The following AKR1E2 variants were observed in gnomAD, a reference collection of about 807,000 sequenced individuals.
AKR1E2 encodes the protein 1,5-anhydro-D-fructose reductase.
Under a neutral mutation model 41.9 loss-of-function variants are expected in AKR1E2, and 43 were observed. The observed-to-expected ratio is 1.03, with a 90% CI of 0.80 to 1.32. AKR1E2 has a LOEUF of 1.32. Among genes scored for constraint, AKR1E2 ranks in the 40% most tolerant of loss-of-function variants. The pLI, the probability that AKR1E2 is intolerant of heterozygous loss-of-function variation, is 0.00. For missense variants in AKR1E2, 423 were observed against 396.5 expected (o/e 1.07, Z -0.57); for synonymous variants, 121 against 138.9 (o/e 0.87, Z 0.91).
chr10:4,833,093 A>G (rs1287404186), intron 2 of AKR1E2, among the ~76,000 whole-genome samples: 2 of 152,204 alleles, frequency 1.3e-5, no homozygotes, highest in South Asian at 2.1e-4. Context: ...ACCATCAAAT[A>G]TCTCTTGGAT....
chr10:4,854,085 G>GTTT, the AKR1E2 span, among the ~76,000 whole-genome samples: 1 of 129,304 alleles, frequency 7.7e-6, no homozygotes, highest in African/African-American at 3.0e-5. Flanking sequence ...CTCCTTTACT[G>GTTT]TTTTTTTTTT....
At chr10:4,832,381 G>A (rs191581711) in intron 2 of AKR1E2, among the ~76,000 whole-genome samples, 120 of 152,334 alleles carry the variant, frequency 7.9e-4, no homozygotes, top group Non-Finnish European at 1.4e-3. Context: ...CTAGAGCAGA[G>A]GGTGGTAAGA....
the AKR1E2 span, among the ~76,000 whole-genome samples, chr10:4,864,149 A>G: frequency 5.9e-5 from 9 of 152,262 alleles, no homozygotes; most frequent in African/African-American, 2.2e-4. Flanking sequence ...CCTGGCAGAG[A>G]CACAACAAAA....
rs1231879895 is a variant in AKR1E2, at chr10:4,841,843, A to G, written c.739A>G (p.Lys247Glu). 1.1e-5 allele frequency: 18 copies of G among 1,613,472 alleles called. No homozygotes were observed. Among genetic ancestry groups the G allele is most frequent in the Non-Finnish European group, 1.5e-5 (18 of 1,179,812 alleles). The change falls in exon 7 of 10, where the codon AAG (lysine) becomes GAG (glutamate). Residue 247 changes from lysine to glutamate, a missense_variant. By Grantham distance (56) the Lys-to-Glu change is moderately conservative. Coordinates refer to ENST00000298375, the MANE Select transcript of AKR1E2 (RefSeq NM_001040177.3). ...VIKRIAKEHGKSPAQILIRFQ... is the reference protein window; with the variant it reads ...VIKRIAKEHGESPAQILIRFQ... Reference sequence around the variant, plus strand: ...CAAGAGGATTGCAAAGGAGCACGGCAAGTCTCCTGCTCAGGTAGGGAGGGA... The same window carrying G: ...CAAGAGGATTGCAAAGGAGCACGGCGAGTCTCCTGCTCAGGTAGGGAGGGA...
At position 4,847,628 on chromosome 10, in the gene AKR1E2, C is replaced by A; in HGVS notation, c.*98C>A. On this transcript the variant is annotated 3_prime_UTR_variant, in exon 10 of 10. Transcript: ENST00000298375. ...TCATCACAGCGCCAGGGCAGCTGTG[C>A]CTGGGACAGGAGCCACACAGTCAGA... 2 of 1,393,134 alleles carry A rather than the reference C, an allele frequency of 1.4e-6. No homozygotes were observed. Among genetic ancestry groups the A allele is most frequent in the Non-Finnish European group, 2.0e-6 (2 of 994,880 alleles). The allele number at this position is 1,393,134 out of a possible 1,614,324, so 86.3% of individuals were successfully genotyped here.
At chr10:4,866,299 C>T in the AKR1E2 span, among the ~76,000 whole-genome samples, 3 of 152,290 alleles carry the variant, frequency 2.0e-5, no homozygotes, top group Non-Finnish European at 2.9e-5. Flanking sequence ...AAAGAGAGGA[C>T]GCGTAGCACT....
At position 4,847,614 on chromosome 10, in the gene AKR1E2, C is replaced by T. The variant is rs12569410; in HGVS notation, c.*84C>T. 62,440 of 1,496,524 alleles carry T rather than the reference C, an allele frequency of 0.042. 1,658 individuals are homozygous for T. Among genetic ancestry groups the T allele is most frequent in the East Asian group, 0.12 (5,448 of 44,292 alleles). 92.7% of individuals were successfully genotyped at this position (1,496,524 alleles called of 1,614,324 possible). A position where few individuals can be genotyped will look rare whatever the true frequency, so the allele number is the denominator to read the frequency against. On this transcript the variant is annotated 3_prime_UTR_variant, in exon 10 of 10. Coordinates refer to ENST00000298375, the MANE Select transcript of AKR1E2 (RefSeq NM_001040177.3). ...TTGACCCTCCTCTGTCATCACAGCG[C>T]CAGGGCAGCTGTGCCTGGGACAGGA...
At chr10:4,839,921 G>A in intron 6 of AKR1E2, 95 bp downstream of exon 6, 1 of 1,205,336 alleles carries the variant, frequency 8.3e-7, no homozygotes, top group Non-Finnish European at 1.2e-6. Flanking sequence ...GGGCTTAATG[G>A]AGGTTTTGAC....
At chr10:4,851,635 A>T (rs1045913527), downstream of AKR1E2, among the ~76,000 whole-genome samples, 1 of 152,244 alleles carries the variant, frequency 6.6e-6, no homozygotes, top group East Asian at 1.9e-4. Flanking sequence ...GTACTATTCT[A>T]TAAGTATGTT....
At chr10:4,866,548 A>G in the AKR1E2 span, among the ~76,000 whole-genome samples, 1 of 152,122 alleles carries the variant, frequency 6.6e-6, no homozygotes, top group Admixed American at 6.5e-5. Flanking sequence ...AGAATGAGTA[A>G]TTCACGCAGA....
intron 1 of AKR1E2, 104 bp from the exon 2 acceptor site, chr10:4,830,571 T>C: frequency 7.4e-7 from 1 of 1,345,418 alleles, no homozygotes; most frequent in Non-Finnish European, 1.0e-6. Context: ...AATTAGTGAC[T>C]TAATTTTTTA....
At chr10:4,829,396 C>G (rs1832790304) in intron 1 of AKR1E2, among the ~76,000 whole-genome samples, 1 of 152,086 alleles carries the variant, frequency 6.6e-6, no homozygotes, top group Non-Finnish European at 1.5e-5. Context: ...TTTTATTTTA[C>G]TTATGAATTT....
At chr10:4,865,305 AATT>A in the AKR1E2 span, among the ~76,000 whole-genome samples, 1 of 152,220 alleles carries the variant, frequency 6.6e-6, no homozygotes, top group Admixed American at 6.5e-5. Context: ...AGTAACTAAC[AATT>A]ATTGATTATA....
the AKR1E2 span, among the ~76,000 whole-genome samples, chr10:4,869,424 G>A: frequency 0.2 from 29,679 of 151,838 alleles, 3,059 homozygotes; most frequent in Middle Eastern, 0.33. Context: ...CTTTTTTTAT[G>A]TCAGTCTTGC....
chr10:4,845,521 T>C (rs1834268867), intron 8 of AKR1E2, among the ~76,000 whole-genome samples: 1 of 147,034 alleles, frequency 6.8e-6, no homozygotes, highest in Admixed American at 6.7e-5. Flanking sequence ...AATGGGGGCC[T>C]GGCCTAAGGT....
chr10:4,826,286 G>A lies in AKR1E2; in HGVS notation c.-39G>A. 1.6e-6 allele frequency: 2 copies of A among 1,228,408 alleles called. No homozygotes were observed. The highest frequency in any genetic ancestry group is 4.1e-5 in the South Asian group (1 of 24,298). The allele number at this position is 1,228,408 out of a possible 1,614,324, so 76.1% of individuals were successfully genotyped here. ...TCGCGCGGTGCCTGTCGGTAGTCGC[G>A]TGCGGGGCGGCGGGGCGGCGGGGCG... On this transcript the variant is annotated 5_prime_UTR_variant, in exon 1 of 10. In the 5' UTR this introduces an upstream ATG that the reference lacks. Coordinates refer to ENST00000298375, the MANE Select transcript of AKR1E2 (RefSeq NM_001040177.3).
the AKR1E2 span, among the ~76,000 whole-genome samples, chr10:4,869,691 A>G: frequency 0.43 from 64,687 of 151,518 alleles, 15,275 homozygotes; most frequent in East Asian, 0.73. Context: ...ACACAATTTG[A>G]TATGTTGCGT....
chr10:4,861,153 G>A, the AKR1E2 span, among the ~76,000 whole-genome samples: 1 of 152,076 alleles, frequency 6.6e-6, no homozygotes, highest in Non-Finnish European at 1.5e-5. Flanking sequence ...CTTTTAAAGT[G>A]TTCAGGAAAT....
intron 1 of AKR1E2, among the ~76,000 whole-genome samples, chr10:4,826,582 T>C (rs1342087911): frequency 2.0e-5 from 3 of 151,998 alleles, no homozygotes; most frequent in Non-Finnish European, 4.4e-5. Context: ...GCCGAGGCGC[T>C]CTCTGGGAGA....
Sources: gnomAD v4.1 joint callset for allele counts (sites outside exome capture counted in the v4.1 genomes callset) on GRCh38, gnomAD v4.1.1 for gene constraint, MANE v1.5 for transcripts, NCBI Gene and HGNC (gene_info 2026-07-23, HGNC 2026-07-21) for gene names.